MIPOL1: variants seen among roughly 807,000 people sequenced by gnomAD.
The protein encoded by MIPOL1 is mirror-image polydactyly gene 1 protein.
Under a neutral mutation model 60.9 loss-of-function variants are expected in MIPOL1, and 57 were observed. That is an observed-to-expected ratio of 0.94 (90% CI 0.76 to 1.17). MIPOL1 has a LOEUF of 1.17. Among genes scored for constraint, MIPOL1 ranks in the 50% most tolerant of loss-of-function variants. The probability of loss-of-function intolerance (pLI) is 0.00; values close to 1 mark genes in which losing one functional copy is unlikely to be tolerated. For missense variants in MIPOL1, 551 were observed against 511.6 expected (o/e 1.08, Z -0.74); for synonymous variants, 179 against 168.8 (o/e 1.06, Z -0.47).
intron 12 of MIPOL1, among the ~76,000 whole-genome samples, chr14:37,545,051 T>C (rs2095542521): frequency 6.6e-6 from 1 of 152,220 alleles, no homozygotes; most frequent in African/African-American, 2.4e-5. Flanking sequence ...GAGCTGACTT[T>C]TATATTGTGA....
At chr14:37,219,040 A>G (rs1230891733) in intron 1 of MIPOL1, among the ~76,000 whole-genome samples, 1 of 152,190 alleles carries the variant, frequency 6.6e-6, no homozygotes, top group Non-Finnish European at 1.5e-5. Flanking sequence ...AAACCTCAAT[A>G]TAGAAGTGGG....
At chr14:37,275,738 T>C (rs2083609547) in intron 6 of MIPOL1, among the ~76,000 whole-genome samples, 1 of 151,168 alleles carries the variant, frequency 6.6e-6, no homozygotes, top group African/African-American at 2.4e-5. Flanking sequence ...TTTGTATTTC[T>C]TTAAAAGCCT....
chr14:37,236,401 A>G (rs1393309964), intron 1 of MIPOL1, among the ~76,000 whole-genome samples: 2 of 151,694 alleles, frequency 1.3e-5, no homozygotes, highest in Non-Finnish European at 2.9e-5. Flanking sequence ...TTTTTTGTCT[A>G]TTGAAGGCTG....
At chr14:37,510,780 G>C (rs941995346) in intron 12 of MIPOL1, among the ~76,000 whole-genome samples, 5 of 152,112 alleles carry the variant, frequency 3.3e-5, no homozygotes, top group African/African-American at 1.2e-4. Context: ...GAAAATTTCA[G>C]ATATACTCCC....
chr14:37,340,246 T>C (rs1042280370), intron 9 of MIPOL1, among the ~76,000 whole-genome samples: 1 of 151,748 alleles, frequency 6.6e-6, no homozygotes, highest in Non-Finnish European at 1.5e-5. Context: ...TGTCTTTGTT[T>C]AAAAAAAAGC....
At chr14:37,234,834 G>A (rs554462069) in intron 1 of MIPOL1, among the ~76,000 whole-genome samples, 4 of 151,442 alleles carry the variant, frequency 2.6e-5, no homozygotes, top group African/African-American at 7.3e-5. Context: ...GGAGTGTAGC[G>A]GCACGATCTC....
intron 9 of MIPOL1, among the ~76,000 whole-genome samples, chr14:37,315,777 C>G (rs1313810693): frequency 6.6e-6 from 1 of 151,994 alleles, no homozygotes; most frequent in Non-Finnish European, 1.5e-5. Flanking sequence ...TGAGCAGTTA[C>G]TTGGTTATTG....
chr14:37,270,513 G>A lies in MIPOL1; in HGVS notation c.481G>A (p.Glu161Lys), dbSNP rs1265781623. 6.3e-7 allele frequency: 1 copy of A among 1,589,996 alleles called. No homozygotes were observed. The highest frequency in any genetic ancestry group is 8.6e-7 in the Non-Finnish European group (1 of 1,165,432). ...QEKETEAKIA[E>K]KTAALVEEVY... ...GAAAGAAACAGAAGCTAAAATTGCT[G>A]AAAAGACAGCAGGTATAGTAGAGGA... Residue 161 changes from glutamate (E) to lysine (K), a missense_variant, in exon 6 of 13, where the codon GAA becomes AAA. Glu to Lys is a moderately conservative substitution (Grantham distance 56, BLOSUM62 1). Transcript: ENST00000684589.
chr14:37,355,861 T>C (rs373964396), intron 9 of MIPOL1, among the ~76,000 whole-genome samples: 5 of 149,636 alleles, frequency 3.3e-5, no homozygotes, highest in South Asian at 2.2e-4. Flanking sequence ...AATGTCCTCC[T>C]GTAGCTCAGA....
intron 12 of MIPOL1, among the ~76,000 whole-genome samples, chr14:37,508,969 AT>A (rs1335976884): frequency 6.6e-6 from 1 of 151,660 alleles, no homozygotes; most frequent in Non-Finnish European, 1.5e-5. Context: ...CTGTAGCACC[AT>A]TTTTTTCTAC....
chr14:37,414,618 T>C (rs1036529527), intron 10 of MIPOL1, among the ~76,000 whole-genome samples: 3 of 152,192 alleles, frequency 2.0e-5, no homozygotes, highest in African/African-American at 7.2e-5. Flanking sequence ...TCATTTACCT[T>C]TTACTGCTTC....
intron 3 of MIPOL1, among the ~76,000 whole-genome samples, chr14:37,251,589 A>G (rs1277995229): frequency 1.3e-5 from 2 of 151,894 alleles, no homozygotes; most frequent in Non-Finnish European, 2.9e-5. Flanking sequence ...GTCATAATCA[A>G]AGGAGTTTAT....
intron 11 of MIPOL1, among the ~76,000 whole-genome samples, chr14:37,483,878 C>G (rs2094910517): frequency 6.6e-6 from 1 of 152,118 alleles, no homozygotes; most frequent in Non-Finnish European, 1.5e-5. Context: ...TCAAGCAGTC[C>G]TCCCACCTCA....
chr14:37,409,457 C>A (rs1221117147), intron 10 of MIPOL1, among the ~76,000 whole-genome samples: 1 of 152,094 alleles, frequency 6.6e-6, no homozygotes, highest in Non-Finnish European at 1.5e-5. Context: ...CTAAAACACT[C>A]TGTGAGACAT....
intron 1 of MIPOL1, among the ~76,000 whole-genome samples, chr14:37,218,171 C>CT (rs1200381089): frequency 6.6e-6 from 1 of 151,788 alleles, no homozygotes; most frequent in Admixed American, 6.6e-5. Flanking sequence ...ATGATTTCAT[C>CT]TTTTTTTAAT....
At chr14:37,495,418 A>T (rs1318426807) in intron 11 of MIPOL1, among the ~76,000 whole-genome samples, 1 of 150,248 alleles carries the variant, frequency 6.7e-6, no homozygotes, top group East Asian at 2.0e-4. Flanking sequence ...ACTGAGAATG[A>T]TGATTTCCAA....
intron 11 of MIPOL1, among the ~76,000 whole-genome samples, chr14:37,434,267 A>C (rs2094126700): frequency 6.6e-6 from 1 of 152,046 alleles, no homozygotes. Context: ...TTTGATTTGC[A>C]TTTCTCTAAT....
chr14:37,393,677 A>G (rs1034148611), intron 10 of MIPOL1, among the ~76,000 whole-genome samples: 3 of 150,766 alleles, frequency 2.0e-5, no homozygotes, highest in Non-Finnish European at 4.4e-5. Context: ...CCAACCTTTT[A>G]TTTATTTATT....
chr14:37,262,164 A>G (rs1270919023), intron 3 of MIPOL1, among the ~76,000 whole-genome samples: 1 of 152,070 alleles, frequency 6.6e-6, no homozygotes, highest in East Asian at 1.9e-4. Flanking sequence ...ATAGTTGGAC[A>G]TATTTAGTAA....
Sources: gnomAD v4.1 joint callset for allele counts (sites outside exome capture counted in the v4.1 genomes callset) on GRCh38, gnomAD v4.1.1 for gene constraint, MANE v1.5 for transcripts, NCBI Gene and HGNC (gene_info 2026-07-23, HGNC 2026-07-21) for gene names.